The following FAM78B variants were observed in gnomAD, a reference collection of about 807,000 sequenced individuals.
FAM78B encodes the protein family with sequence similarity 78 member B.
FAM78B carries 10 observed loss-of-function variants against 20.0 expected under a neutral mutation model. The ratio of observed to expected loss-of-function variants is 0.50; its 90% confidence interval spans 0.31 to 0.85. The LOEUF is 0.85. Among genes scored for constraint, FAM78B ranks in the 40% least tolerant of loss-of-function variants. The probability of loss-of-function intolerance (pLI) is 0.05; values close to 1 mark genes in which losing one functional copy is unlikely to be tolerated. For synonymous variants in FAM78B, 135 were observed against 132.8 expected (o/e 1.02, Z -0.12); for missense variants, 283 against 345.0 (o/e 0.82, Z 1.42).
intron 1 of FAM78B, among the ~76,000 whole-genome samples, chr1:166,153,579 TGAG>T: frequency 6.6e-6 from 1 of 152,064 alleles, no homozygotes; most frequent in Middle Eastern, 3.4e-3. Context: ...CCAAGAAACA[TGAG>T]GATGCCTCCT....
At chr1:166,142,726 C>A (rs1318957593) in intron 1 of FAM78B, among the ~76,000 whole-genome samples, 1 of 152,156 alleles carries the variant, frequency 6.6e-6, no homozygotes, top group Non-Finnish European at 1.5e-5. Flanking sequence ...ACATAAAAGG[C>A]CCTCTAGGCA....
chr1:166,109,515 G>A (rs1362701893), intron 1 of FAM78B, among the ~76,000 whole-genome samples: 1 of 151,900 alleles, frequency 6.6e-6, no homozygotes, highest in Non-Finnish European at 1.5e-5. Context: ...AACAGTAGAT[G>A]GTGGTGTGGA....
At chr1:166,058,930 G>T (rs1651465012) in exon 3 of FAM78B, 1 of 152,496 alleles carries the variant, frequency 6.6e-6, no homozygotes, top group Non-Finnish European at 1.5e-5. Flanking sequence ...AGGACTTGCT[G>T]GGGGAGCACT....
At chr1:166,072,605 G>C (rs941475810) in intron 1 of FAM78B, among the ~76,000 whole-genome samples, 1 of 152,160 alleles carries the variant, frequency 6.6e-6, no homozygotes, top group African/African-American at 2.4e-5. Context: ...AACCATACTG[G>C]AGTCGGTTTC....
intron 1 of FAM78B, among the ~76,000 whole-genome samples, chr1:166,132,374 C>T (rs958171457): frequency 1.3e-5 from 2 of 152,092 alleles, no homozygotes; most frequent in Non-Finnish European, 2.9e-5. Flanking sequence ...CGGTGTGATC[C>T]TGGGAAAGTC....
chr1:166,109,841 T>C (rs1462813980), intron 1 of FAM78B, among the ~76,000 whole-genome samples: 1,598 of 21,074 alleles, frequency 0.076, 266 homozygotes, highest in South Asian at 0.14. Flanking sequence ...TGTATATATG[T>C]ATATATATAT....
At chr1:166,084,205 C>CCACACACACACACACACACACACACACA (rs374157991) in intron 1 of FAM78B, among the ~76,000 whole-genome samples, 1 of 121,072 alleles carries the variant, frequency 8.3e-6, no homozygotes, top group African/African-American at 3.2e-5. Context: ...GATGTAGAAA[C>CCACACACACACACACACACACACACACA]CACACACACA....
In FAM78B at chr1:166,166,068, G is replaced by T; in HGVS notation, c.181C>A (p.Pro61Thr). 1 of 1,613,960 alleles carries T rather than the reference G, an allele frequency of 6.2e-7. No homozygotes were observed. The highest frequency in any genetic ancestry group is 8.5e-7 in the Non-Finnish European group (1 of 1,180,004). The change falls in exon 1 of 2, where the codon CCC (proline) becomes ACC (threonine). Residue 61 changes from proline to threonine, a missense_variant. Pro to Thr is a conservative substitution (Grantham distance 38, BLOSUM62 -1). Coordinates refer to ENST00000354422, the MANE Select transcript of FAM78B (RefSeq NM_001017961.5). Reference sequence around the variant, plus strand: ...CCCACCACCCAGGTCTCGTGGCGGGGGATGGGGGGCATGACCACGCGGGCG... The same window carrying T: ...CCCACCACCCAGGTCTCGTGGCGGGTGATGGGGGGCATGACCACGCGGGCG... ...ASARVVMPPI[P>T]RHETWVVGWI...
At chr1:166,068,432 A>G (rs1461277993), downstream of FAM78B, among the ~76,000 whole-genome samples, 1 of 152,246 alleles carries the variant, frequency 6.6e-6, no homozygotes. Flanking sequence ...TGCCATCAAT[A>G]ACTAATCTAT....
chr1:166,118,284 G>A (rs1430266593), intron 1 of FAM78B, among the ~76,000 whole-genome samples: 1 of 152,120 alleles, frequency 6.6e-6, no homozygotes, highest in Non-Finnish European at 1.5e-5. Context: ...TCAGCATGAA[G>A]GGTGCCGTGG....
intron 1 of FAM78B, among the ~76,000 whole-genome samples, chr1:166,125,900 C>T (rs1345465278): frequency 2.0e-5 from 3 of 146,618 alleles, no homozygotes; most frequent in African/African-American, 7.7e-5. Flanking sequence ...GGCGCGATCT[C>T]AGCTCACTGC....
chr1:166,137,723 G>C (rs1267713691), intron 1 of FAM78B, among the ~76,000 whole-genome samples: 5 of 152,198 alleles, frequency 3.3e-5, no homozygotes, highest in Admixed American at 6.5e-5. Context: ...GTTGTACTAT[G>C]ATGTTATTAG....
intron 1 of FAM78B, among the ~76,000 whole-genome samples, chr1:166,110,774 C>T (rs552468285): frequency 7.2e-5 from 11 of 152,282 alleles, no homozygotes; most frequent in Middle Eastern, 3.4e-3. Context: ...TCTGGCAGAG[C>T]TCTGTGCAAC....
chr1:166,091,260 A>C (rs953821187), intron 1 of FAM78B, among the ~76,000 whole-genome samples: 6 of 152,114 alleles, frequency 3.9e-5, no homozygotes, highest in Admixed American at 1.3e-4. Context: ...GGGTTGGTGC[A>C]AGAAGGATGG....
intron 1 of FAM78B, among the ~76,000 whole-genome samples, chr1:166,100,479 G>A (rs961336078): frequency 2.0e-5 from 3 of 152,178 alleles, no homozygotes; most frequent in African/African-American, 7.2e-5. Context: ...CTGGAAAATC[G>A]GGTCCCTCCC....
intron 1 of FAM78B, chr1:166,154,914 T>C (rs1256558829): frequency 4.0e-5 from 18 of 448,202 alleles, no homozygotes; most frequent in Admixed American, 7.2e-5. Context: ...TCTGTTGATC[T>C]ACCACTTGCA....
intron 1 of FAM78B, among the ~76,000 whole-genome samples, chr1:166,152,695 T>G (rs143017279): frequency 8.2e-4 from 123 of 149,244 alleles, no homozygotes; most frequent in African/African-American, 2.7e-3. Context: ...TTTATTTATT[T>G]ATTGATGGAA....
At chr1:166,163,845 G>T (rs2101808926) in intron 1 of FAM78B, among the ~76,000 whole-genome samples, 1 of 152,298 alleles carries the variant, frequency 6.6e-6, no homozygotes, top group East Asian at 1.9e-4. Context: ...TTTATTGGGG[G>T]TCTATTTTTG....
chr1:166,105,340 C>A (rs565128045), intron 1 of FAM78B, among the ~76,000 whole-genome samples: 2 of 152,074 alleles, frequency 1.3e-5, no homozygotes, highest in African/African-American at 2.4e-5. Flanking sequence ...GCAACAAAAG[C>A]CAAAATTGAC....
Sources: allele counts gnomAD v4.1 joint callset (sites outside exome capture counted in the v4.1 genomes callset), GRCh38; gene constraint gnomAD v4.1.1; transcripts MANE v1.5; gene names NCBI Gene and HGNC (gene_info 2026-07-23, HGNC 2026-07-21).